LINC00305: variants seen among roughly 807,000 people sequenced by gnomAD.
LINC00305 encodes the protein long independently transcribed non-coding RNA 305, also known as long intergenic non-protein coding RNA 305.
intron 1 of LINC00305, among the ~76,000 whole-genome samples, chr18:64,099,117 A>G (rs967743263): frequency 2.0e-5 from 3 of 152,154 alleles, no homozygotes; most frequent in African/African-American, 7.2e-5. Flanking sequence ...ATTTACTTTT[A>G]CTGTCTGAAG....
chr18:64,143,688 ATAT>A (rs1244459824), intron 1 of LINC00305, among the ~76,000 whole-genome samples: 2 of 137,060 alleles, frequency 1.5e-5, no homozygotes, highest in South Asian at 2.2e-4. Flanking sequence ...GTATGTCCAC[ATAT>A]TATGCGTACA....
intron 3 of LINC00305, among the ~76,000 whole-genome samples, chr18:64,082,925 A>G (rs1428833531): frequency 1.3e-5 from 2 of 152,044 alleles, no homozygotes; most frequent in Non-Finnish European, 2.9e-5. Flanking sequence ...AAAAAATTCC[A>G]TTTTAACTCC....
chr18:64,135,777 G>T (rs182500420), intron 1 of LINC00305, among the ~76,000 whole-genome samples: 3 of 151,992 alleles, frequency 2.0e-5, no homozygotes, highest in Non-Finnish European at 4.4e-5. Context: ...GTAGAGACAG[G>T]TTTCACCATG....
intron 1 of LINC00305, among the ~76,000 whole-genome samples, chr18:64,118,256 A>G (rs2051346583): frequency 6.6e-6 from 1 of 152,176 alleles, no homozygotes; most frequent in South Asian, 2.1e-4. Context: ...AACTGAGTTC[A>G]GTTAGGCTAA....
At chr18:64,081,509 C>A (rs959263083) in intron 3 of LINC00305, among the ~76,000 whole-genome samples, 1 of 152,102 alleles carries the variant, frequency 6.6e-6, no homozygotes, top group Admixed American at 6.5e-5. Flanking sequence ...AAAATGTTCT[C>A]AAAAGATACC....
chr18:64,108,712 T>G (rs886657726), intron 1 of LINC00305, among the ~76,000 whole-genome samples: 15 of 152,232 alleles, frequency 9.9e-5, no homozygotes, highest in African/African-American at 3.6e-4. Context: ...AATCTGATAG[T>G]GTTAGGTGTG....
Position 64,099,715 on chromosome 18 carries a change from C to T in LINC00305, n.315-1075G>A, listed in dbSNP as rs76530920. On this transcript the variant is annotated intron_variant and non_coding_transcript_variant, in intron 1 of 3. Transcript: ENST00000666468. ...CATCAGGGAGAATAAAATCCAGCCC[C>T]TTGGTTTTATTAGGTACTGGGATCC... is the stretch of plus-strand genomic sequence containing the variant. Among the ~76,000 whole-genome samples, 1,185 of 152,238 alleles carry T rather than the reference C, an allele frequency of 7.8e-3. 38 individuals are homozygous for T. Among genetic ancestry groups the T allele is most frequent in the Admixed American group, 0.065 (988 of 15,296 alleles).
chr18:64,097,196 G>A (rs373283327), intron 3 of LINC00305, among the ~76,000 whole-genome samples: 32 of 152,092 alleles, frequency 2.1e-4, no homozygotes, highest in East Asian at 7.7e-4. Context: ...TGTGTTTATC[G>A]TAGAATATTA....
At chr18:64,143,175 T>C (rs2051472497) in intron 1 of LINC00305, among the ~76,000 whole-genome samples, 1 of 152,288 alleles carries the variant, frequency 6.6e-6, no homozygotes, top group East Asian at 1.9e-4. Flanking sequence ...TATGTGGTTA[T>C]AATATAATTT....
intron 3 of LINC00305, among the ~76,000 whole-genome samples, chr18:64,094,151 C>T (rs2144897283): frequency 6.6e-6 from 1 of 151,838 alleles, no homozygotes; most frequent in South Asian, 2.1e-4. Context: ...GTGAAATGGC[C>T]AAAATGATAG....
chr18:64,105,519 A>G (rs2051286562), intron 1 of LINC00305, among the ~76,000 whole-genome samples: 1 of 151,852 alleles, frequency 6.6e-6, no homozygotes, highest in African/African-American at 2.4e-5. Flanking sequence ...AAATTTAAAA[A>G]CCCCTCAAAT....
At chr18:64,141,583 A>G (rs17072605) in intron 1 of LINC00305, among the ~76,000 whole-genome samples, 1 of 152,186 alleles carries the variant, frequency 6.6e-6, no homozygotes, top group Non-Finnish European at 1.5e-5. Flanking sequence ...CAAAGTTGAG[A>G]TAATGATAGT....
intron 3 of LINC00305, among the ~76,000 whole-genome samples, chr18:64,082,974 T>G (rs1255566868): frequency 3.9e-5 from 6 of 152,204 alleles, no homozygotes; most frequent in Non-Finnish European, 5.9e-5. Context: ...ATGCTTGATT[T>G]GATTCTTAAA....
intron 1 of LINC00305, among the ~76,000 whole-genome samples, chr18:64,124,412 G>A (rs932556330): frequency 5.3e-5 from 8 of 152,058 alleles, no homozygotes; most frequent in Non-Finnish European, 7.4e-5. Flanking sequence ...CTCTGTCATG[G>A]CACTAATCAC....
chr18:64,126,008 A>G (rs2144263637), intron 1 of LINC00305, among the ~76,000 whole-genome samples: 1 of 152,146 alleles, frequency 6.6e-6, no homozygotes, highest in African/African-American at 2.4e-5. Flanking sequence ...TCACACAGAA[A>G]GAAAATCCTT....
chr18:64,147,789 A>T (rs182818477), intron 1 of LINC00305, among the ~76,000 whole-genome samples: 22 of 152,210 alleles, frequency 1.4e-4, no homozygotes, highest in African/African-American at 5.3e-4. Context: ...TGCTTAAGTG[A>T]CTACAGCTGT....
At chr18:64,128,391 C>T (rs1309566083) in intron 1 of LINC00305, among the ~76,000 whole-genome samples, 1 of 152,088 alleles carries the variant, frequency 6.6e-6, no homozygotes, top group Non-Finnish European at 1.5e-5. Context: ...CAATCTTGAA[C>T]TGCTCTTAAC....
intron 1 of LINC00305, among the ~76,000 whole-genome samples, chr18:64,117,591 T>C (rs1742534689): frequency 6.6e-6 from 1 of 152,190 alleles, no homozygotes. Flanking sequence ...AAAGAGAGTG[T>C]CTTGGACCCA....
intron 1 of LINC00305, among the ~76,000 whole-genome samples, chr18:64,114,247 G>A (rs2051327916): frequency 6.6e-6 from 1 of 152,180 alleles, no homozygotes; most frequent in South Asian, 2.1e-4. Context: ...TCCAGCCTGG[G>A]CGACAGAAAA....
Sources: gnomAD v4.1 joint callset for allele counts (sites outside exome capture counted in the v4.1 genomes callset) on GRCh38, gnomAD v4.1.1 for gene constraint, MANE v1.5 for transcripts, NCBI Gene and HGNC (gene_info 2026-07-23, HGNC 2026-07-21) for gene names.